The following PPP3CA variants were observed in gnomAD, a reference collection of about 807,000 sequenced individuals.
PPP3CA encodes CAM-PRP catalytic subunit.
In PPP3CA, 14 loss-of-function variants were observed where a neutral mutation model predicts 66.5. The observed-to-expected ratio is 0.21, with a 90% CI of 0.14 to 0.33. The LOEUF is 0.33. PPP3CA is among the 10% of genes least tolerant of loss of function. PPP3CA has a pLI of 1.00. For synonymous variants in PPP3CA, 232 were observed against 226.2 expected (o/e 1.03, Z -0.23); for missense variants, 317 against 639.5 (o/e 0.50, Z 5.44).
rs562204212 is a variant in PPP3CA at position 101,204,453 on chromosome 4, G to A, written c.59-8337C>T. ...AGATCAAGACCATCCTGGCTAACAC[G>A]GTGAAACCCCATCTCTACTAAAAAT... On this transcript the variant is annotated intron_variant, in intron 1 of 13. Coordinates refer to ENST00000394854, the MANE Select transcript of PPP3CA (RefSeq NM_000944.5). Among the ~76,000 whole-genome samples the A allele has an allele frequency of 2.1e-4, 32 of 152,116 alleles. No homozygotes were observed. In the South Asian group the frequency reaches 5.8e-3, roughly 28 times the overall value.
chr4:101,237,767 G>A (rs780495396), intron 1 of PPP3CA, among the ~76,000 whole-genome samples: 15 of 152,046 alleles, frequency 9.9e-5, no homozygotes, highest in Non-Finnish European at 1.8e-4. Context: ...GATGCTGTGG[G>A]GCACTGGCCA....
intron 1 of PPP3CA, among the ~76,000 whole-genome samples, chr4:101,281,512 G>C (rs1039155570): frequency 5.9e-5 from 9 of 152,090 alleles, no homozygotes; most frequent in African/African-American, 9.7e-5. Context: ...TAATGTGTAT[G>C]GATTATAATA....
chr4:101,335,494 A>T (rs1729595129), intron 1 of PPP3CA, among the ~76,000 whole-genome samples: 1 of 152,130 alleles, frequency 6.6e-6, no homozygotes, highest in Non-Finnish European at 1.5e-5. Context: ...ATGAAAGGTG[A>T]GAGCAATGCC....
chr4:101,077,377 G>A (rs1022735183), intron 8 of PPP3CA, among the ~76,000 whole-genome samples: 1 of 152,120 alleles, frequency 6.6e-6, no homozygotes, highest in East Asian at 1.9e-4. Context: ...ATTATCATTT[G>A]CTTCTAACAA....
chr4:101,090,728 T>G (rs954875432), intron 6 of PPP3CA, among the ~76,000 whole-genome samples: 12 of 151,112 alleles, frequency 7.9e-5, no homozygotes, highest in Non-Finnish European at 1.8e-4. Context: ...TTTAATTCTC[T>G]GATTATCCTC....
At chr4:101,324,584 T>C (rs1346144146) in intron 1 of PPP3CA, among the ~76,000 whole-genome samples, 1 of 152,078 alleles carries the variant, frequency 6.6e-6, no homozygotes, top group Admixed American at 6.5e-5. Context: ...TCCAGTGTAA[T>C]GATGCGAATT....
chr4:101,227,213 C>T (rs182752848), intron 1 of PPP3CA, among the ~76,000 whole-genome samples: 39 of 151,760 alleles, frequency 2.6e-4, no homozygotes, highest in Non-Finnish European at 4.6e-4. Flanking sequence ...AATTAAATTT[C>T]GATTAGGAAA....
At chr4:101,205,540 T>C (rs1024739944) in intron 1 of PPP3CA, among the ~76,000 whole-genome samples, 5 of 151,286 alleles carry the variant, frequency 3.3e-5, no homozygotes, top group Middle Eastern at 3.2e-3. Flanking sequence ...GCCTTCTTAG[T>C]CCTCAATCCT....
intron 1 of PPP3CA, among the ~76,000 whole-genome samples, chr4:101,235,015 C>CAT (rs1044465574): frequency 8.6e-5 from 13 of 151,524 alleles, no homozygotes; most frequent in South Asian, 6.2e-4. Context: ...GTATTTCAAT[C>CAT]ATATATATAT....
At chr4:101,099,214 A>T (rs758354833) in intron 4 of PPP3CA, among the ~76,000 whole-genome samples, 1 of 152,156 alleles carries the variant, frequency 6.6e-6, no homozygotes, top group South Asian at 2.1e-4. Context: ...CTTCAGTTTT[A>T]TAAGATTCAC....
chr4:101,120,885 T>C (rs1183545129), intron 2 of PPP3CA, among the ~76,000 whole-genome samples: 2 of 152,080 alleles, frequency 1.3e-5, no homozygotes, highest in Admixed American at 6.6e-5. Flanking sequence ...AAAATTTACA[T>C]ATGTGGCTGT....
chr4:101,196,247 A>G lies in PPP3CA; in HGVS notation c.59-131T>C. 3 of 813,556 alleles carry G rather than the reference A, an allele frequency of 3.7e-6. No individual in the cohort carries two copies. In the South Asian group the frequency reaches 5.6e-5, roughly 15 times the overall value. The allele number at this position is 813,556 out of a possible 1,614,324, so 50.4% of individuals were successfully genotyped here. A position where few individuals can be genotyped will look rare whatever the true frequency, so the allele number is the denominator to read the frequency against. The stretch of plus-strand genomic sequence containing the variant: ...ATTTTTAGAGTGGCTGAATTAAAAT[A>G]TGATCAAGGGCTATCTATCAAAAAT... On this transcript the variant is annotated intron_variant, in intron 1 of 13. Transcript: ENST00000394854.
chr4:101,224,815 C>T (rs1405937822), intron 1 of PPP3CA, among the ~76,000 whole-genome samples: 1 of 151,788 alleles, frequency 6.6e-6, no homozygotes. Context: ...TCTTCAGTAA[C>T]TCTTAATGCT....
At chr4:101,235,092 ATAT>A (rs1362883057) in intron 1 of PPP3CA, among the ~76,000 whole-genome samples, 1 of 151,802 alleles carries the variant, frequency 6.6e-6, no homozygotes, top group Non-Finnish European at 1.5e-5. Context: ...CACATGGAAG[ATAT>A]TATTTGAGAG....
At chr4:101,065,015 A>T (rs144123473) in intron 8 of PPP3CA, among the ~76,000 whole-genome samples, 4 of 152,004 alleles carry the variant, frequency 2.6e-5, no homozygotes, top group Non-Finnish European at 4.4e-5. Flanking sequence ...GGGACAAGAA[A>T]TGTAGATAGT....
intron 2 of PPP3CA, among the ~76,000 whole-genome samples, chr4:101,189,694 A>G (rs575609489): frequency 1.3e-5 from 2 of 151,216 alleles, no homozygotes; most frequent in Non-Finnish European, 3.0e-5. Context: ...CGGCAAAAAA[A>G]AAAAAAAAAA....
At chr4:101,240,574 G>A (rs1004227247) in intron 1 of PPP3CA, among the ~76,000 whole-genome samples, 9 of 151,910 alleles carry the variant, frequency 5.9e-5, no homozygotes, top group African/African-American at 1.7e-4. Flanking sequence ...AATCAGATAC[G>A]CAAACAGGAA....
intron 10 of PPP3CA, among the ~76,000 whole-genome samples, chr4:101,050,470 G>A (rs1299732990): frequency 6.6e-6 from 1 of 152,086 alleles, no homozygotes; most frequent in Non-Finnish European, 1.5e-5. Context: ...GCTACCTTGG[G>A]CAAGTATTAA....
intron 10 of PPP3CA, among the ~76,000 whole-genome samples, chr4:101,060,651 C>T (rs1421622683): frequency 6.6e-6 from 1 of 152,016 alleles, no homozygotes; most frequent in Non-Finnish European, 1.5e-5. Flanking sequence ...ACCAATATAT[C>T]AATATGTAAA....
Sources: allele counts gnomAD v4.1 joint callset (sites outside exome capture counted in the v4.1 genomes callset), GRCh38; gene constraint gnomAD v4.1.1; transcripts MANE v1.5; gene names NCBI Gene and HGNC (gene_info 2026-07-23, HGNC 2026-07-21).